Variants in PBX2 observed in about 807,000 individuals in gnomAD.
The protein encoded by PBX2 is pre-B-cell leukemia transcription factor 2.
PBX2 carries 10 observed loss-of-function variants against 46.5 expected under a neutral mutation model. The ratio of observed to expected loss-of-function variants is 0.21; its 90% confidence interval spans 0.13 to 0.36. The LOEUF (loss-of-function observed/expected upper bound fraction) is 0.36. Ranked by LOEUF, PBX2 falls within the 10% of genes least tolerant of loss-of-function variation. The pLI, the probability that PBX2 is intolerant of heterozygous loss-of-function variation, is 1.00. For missense variants in PBX2, 392 were observed against 580.5 expected (o/e 0.68, Z 3.34); for synonymous variants, 160 against 222.5 (o/e 0.72, Z 2.50).
chr6:32,189,590 G>C lies in PBX2; in HGVS notation c.221+105C>G. On this transcript the variant is annotated intron_variant, in intron 1 of 8. Transcript: ENST00000375050. This position sits in a 1 kb window ranked among gnomAD's most constrained non-coding sequence, Gnocchi z 4.7. ...GGAATAAGGAGAGAAGAGAGCTGTT[G>C]GATCCTGGAGAGGGCCCTGGAGTTG... The C allele has an allele frequency of 3.8e-6, 3 of 783,574 alleles. No homozygotes were observed. The highest frequency in any genetic ancestry group is 4.2e-6 in the Non-Finnish European group (2 of 477,324). 48.5% of individuals were successfully genotyped at this position (783,574 alleles called of 1,614,324 possible).
chr6:32,189,621 G>T lies in PBX2; in HGVS notation c.221+74C>A. ...TGGAGAGGGCCCTGGAGTTGGGGGG[G>T]GCTCCCAGAAGATTCAGAACATGTG... On this transcript the variant is annotated intron_variant, in intron 1 of 8. Coordinates refer to ENST00000375050, the MANE Select transcript of PBX2 (RefSeq NM_002586.5). The surrounding 1 kb of genome is among the most constrained non-coding windows in gnomAD (Gnocchi z 4.7). 5 of 1,133,816 alleles carry T rather than the reference G, an allele frequency of 4.4e-6. No homozygotes were observed. Among genetic ancestry groups the T allele is most frequent in the South Asian group, 2.6e-5 (2 of 75,642 alleles). The allele number at this position is 1,133,816 out of a possible 1,614,324, so 70.2% of individuals were successfully genotyped here.
Position 32,189,164 on chromosome 6 carries a change from G to A in PBX2, c.222-368C>T. 2.6e-6 allele frequency: 1 copy of A among 379,270 alleles called. No individual in the cohort carries two copies. The highest frequency in any genetic ancestry group is 4.8e-5 in the East Asian group (1 of 20,746). 23.5% of individuals were successfully genotyped at this position (379,270 alleles called of 1,614,324 possible). The stretch of plus-strand genomic sequence containing the variant: ...TTGAGAAGAGTCAGAGTTTGAGGTG[G>A]CAGAGTGGGGCTGGGGGTGCCGAGC... On this transcript the variant is annotated intron_variant, in intron 1 of 8. Coordinates refer to ENST00000375050, the MANE Select transcript of PBX2 (RefSeq NM_002586.5). The surrounding 1 kb of genome is among the most constrained non-coding windows in gnomAD (Gnocchi z 4.7).
rs529964370 is a variant in PBX2 at position 32,187,249 on chromosome 6, G to A, written c.1017C>T (p.Ser339=). Reference sequence around the variant, plus strand: ...GGTGACAGTGGGATCCACCTGCAGAGGAAGGGGGTGTCGGGGAGCTGGTGC... The same window carrying A: ...GGTGACAGTGGGATCCACCTGCAGAAGAAGGGGGTGTCGGGGAGCTGGTGC... The part of the protein sequence containing the change: ...HSRTSSPTPP[S]SAGSGGSFNL... Residue 339 remains serine (S), a synonymous_variant, in exon 6 of 9, where the codon TCC becomes TCT. Coordinates refer to ENST00000375050, the MANE Select transcript of PBX2 (RefSeq NM_002586.5). The surrounding 1 kb of genome is among the most constrained non-coding windows in gnomAD (Gnocchi z 7.7). The A allele has an allele frequency of 6.8e-6, 11 of 1,612,922 alleles. No homozygotes were observed. In the African/African-American group the frequency reaches 9.3e-5, roughly 14 times the overall value.
In PBX2 at chr6:32,190,084, G is replaced by A. The variant is rs1787372846; in HGVS notation, c.-169C>T. The A allele has an allele frequency of 4.3e-6, 2 of 470,236 alleles. No individual in the cohort carries two copies. The highest frequency in any genetic ancestry group is 4.2e-5 in the Admixed American group (1 of 23,904). The allele number at this position is 470,236 out of a possible 1,614,324, so 29.1% of individuals were successfully genotyped here. On this transcript the variant is annotated 5_prime_UTR_variant, in exon 1 of 9. Transcript: ENST00000375050. ...TCACCCCGGCACTGAAGGGAGACCT[G>A]GGATACCGGCTGGGCCCCCCACAGG...
rs773222978 is a variant in PBX2, at chr6:32,186,737, G to A, written c.1114-47C>T. 2 of 1,596,624 alleles carry A rather than the reference G, an allele frequency of 1.3e-6. No homozygotes were observed. The highest frequency in any genetic ancestry group is 2.2e-5 in the East Asian group (1 of 44,814). On this transcript the variant is annotated intron_variant, in intron 7 of 8. Coordinates refer to ENST00000375050, the MANE Select transcript of PBX2 (RefSeq NM_002586.5). The surrounding 1 kb of genome is among the most constrained non-coding windows in gnomAD (Gnocchi z 4.2). ...ATGACAGTGAAGAGAAGCCTCAGAG[G>A]AAAGAGGTCTTGTATCCTAAAGTAG...
rs1399263005 is a variant in PBX2, at chr6:32,186,253, G to A, written c.*129C>T. On this transcript the variant is annotated 3_prime_UTR_variant, in exon 9 of 9. Coordinates refer to ENST00000375050, the MANE Select transcript of PBX2 (RefSeq NM_002586.5). The surrounding 1 kb of genome is among the most constrained non-coding windows in gnomAD (Gnocchi z 4.2). ...CCCCAGCACAGAGAGTCTCGTTAGG[G>A]AGGGGATGACCCCATTGGCCCTTCT... 4.6e-6 allele frequency: 3 copies of A among 658,156 alleles called. No individual in the cohort carries two copies. Among genetic ancestry groups the A allele is most frequent in the East Asian group, 5.5e-5 (2 of 36,670 alleles). The allele number at this position is 658,156 out of a possible 1,614,324, so 40.8% of individuals were successfully genotyped here. A position where few individuals can be genotyped will look rare whatever the true frequency, so the allele number is the denominator to read the frequency against.
At position 32,188,493 on chromosome 6, in the gene PBX2, G is replaced by A. The variant is rs763122082; in HGVS notation, c.307C>T (p.Arg103Trp). 34 of 1,613,638 alleles carry A rather than the reference G, an allele frequency of 2.1e-5. No homozygotes were observed. Among genetic ancestry groups the A allele is most frequent in the African/African-American group, 2.7e-5 (2 of 74,898 alleles). ...EIKEKTGLSI[R>W]SSQEEEPVDP... ...ACCGGCTCCTCCTCCTGGGAGCTCC[G>A]AATGCTGAGGCCTAGCATGCAGGCG... Residue 103 changes from arginine (R) to tryptophan (W), a missense_variant, in exon 3 of 9, where the codon CGG (arginine) becomes TGG (tryptophan). Around this residue, in one of 3 missense-constraint regions of PBX2, gnomAD observed 196 missense variants for 246.9 expected, o/e 0.79. Transcript: ENST00000375050. This position sits in a 1 kb window ranked among gnomAD's most constrained non-coding sequence, Gnocchi z 6.5.
chr6:32,189,886 AG>A lies in PBX2; in HGVS notation c.29del (p.Pro10LeufsTer12). MDERLLGPP[P>X]PGGGRGGLGL... ...CCAGGCCCCCCCGGCCCCCGCCTGG[AG>A]GGGGCGGCCCCAGTAGCCGTTCGTC... On this transcript the variant is annotated frameshift_variant, in exon 1 of 9. Transcript: ENST00000375050. LOFTEE classifies it high-confidence loss of function. The surrounding 1 kb of genome is among the most constrained non-coding windows in gnomAD (Gnocchi z 4.7). The A allele has an allele frequency of 8.2e-7, 1 of 1,222,620 alleles. No homozygotes were observed. Among genetic ancestry groups the A allele is most frequent in the Non-Finnish European group, 1.1e-6 (1 of 931,394 alleles). 75.7% of individuals were successfully genotyped at this position (1,222,620 alleles called of 1,614,324 possible).
In PBX2 at chr6:32,187,027, C is replaced by A; in HGVS notation, c.1025-126G>T. 1.9e-6 allele frequency: 2 copies of A among 1,051,308 alleles called. No homozygotes were observed. The highest frequency in any genetic ancestry group is 2.2e-5 in the Admixed American group (1 of 44,776). 65.1% of individuals were successfully genotyped at this position (1,051,308 alleles called of 1,614,324 possible). On this transcript the variant is annotated intron_variant, in intron 6 of 8. Coordinates refer to ENST00000375050, the MANE Select transcript of PBX2 (RefSeq NM_002586.5). This position sits in a 1 kb window ranked among gnomAD's most constrained non-coding sequence, Gnocchi z 7.7. ...ATCCACAAAATAACATTCCAACACA[C>A]AGAAAGAGCAGGCTGTTCCTTGGCC...
rs2555460 is a variant in PBX2 at position 32,189,043 on chromosome 6, G to T, written c.222-247C>A. ...GCAGGTTAAAGGCTGCGGGCTTTGG[G>T]AGATGGTCTAGAAAGGTAGGAGGAG... On this transcript the variant is annotated intron_variant, in intron 1 of 8. Coordinates refer to ENST00000375050, the MANE Select transcript of PBX2 (RefSeq NM_002586.5). This position sits in a 1 kb window ranked among gnomAD's most constrained non-coding sequence, Gnocchi z 4.7. The T allele has an allele frequency of 1.8e-6, 1 of 547,856 alleles. No homozygotes were observed. Among genetic ancestry groups the T allele is most frequent in the Non-Finnish European group, 3.3e-6 (1 of 305,328 alleles). 33.9% of individuals were successfully genotyped at this position (547,856 alleles called of 1,614,324 possible). A position where few individuals can be genotyped will look rare whatever the true frequency, so the allele number is the denominator to read the frequency against.
Position 32,187,594 on chromosome 6 carries a change from A to G in PBX2, c.870+53T>C. On this transcript the variant is annotated intron_variant, in intron 5 of 8. Transcript: ENST00000375050. The surrounding 1 kb of genome is among the most constrained non-coding windows in gnomAD (Gnocchi z 7.7). ...ATTACAGGAACACACCACTGCACCT[A>G]GCTGAGATGCGTGCACTTTGCCTGA... 1 of 1,557,690 alleles carries G rather than the reference A, an allele frequency of 6.4e-7. No individual in the cohort carries two copies. The highest frequency in any genetic ancestry group is 2.0e-4 in the Middle Eastern group (1 of 4,942).
In PBX2 at chr6:32,188,594, A is replaced by G; in HGVS notation, c.296-90T>C. On this transcript the variant is annotated intron_variant, in intron 2 of 8. Coordinates refer to ENST00000375050, the MANE Select transcript of PBX2 (RefSeq NM_002586.5). The surrounding 1 kb of genome is among the most constrained non-coding windows in gnomAD (Gnocchi z 6.5). The stretch of plus-strand genomic sequence containing the variant: ...GTGCTTCCTGGAGAGCCAAGTTCCC[A>G]GGCTTTGGTTCCTTCCCCAGTCCCC... 6.3e-7 allele frequency: 1 copy of G among 1,577,926 alleles called. No homozygotes were observed. Among genetic ancestry groups the G allele is most frequent in the Non-Finnish European group, 8.6e-7 (1 of 1,158,556 alleles).
Position 32,189,398 on chromosome 6 carries a change from C to T in PBX2, c.221+297G>A, listed in dbSNP as rs905923182. ...CGTAGCCCAAGAACAGTTTCTTAGT[C>T]TGGGAGCCAGAGGGGGCTCCCGGGG... On this transcript the variant is annotated intron_variant, in intron 1 of 8. Transcript: ENST00000375050. The surrounding 1 kb of genome is among the most constrained non-coding windows in gnomAD (Gnocchi z 4.7). Among the ~76,000 whole-genome samples the T allele has an allele frequency of 5.3e-5, 8 of 152,030 alleles. No individual in the cohort carries two copies. The highest frequency in any genetic ancestry group is 3.9e-4 in the Admixed American group (6 of 15,280).
At position 32,186,506 on chromosome 6, in the gene PBX2, G is replaced by C. The variant is rs774306455; in HGVS notation, c.1201-32C>G. The C allele has an allele frequency of 1.9e-6, 3 of 1,603,070 alleles. No individual in the cohort carries two copies. Among genetic ancestry groups the C allele is most frequent in the African/African-American group, 2.7e-5 (2 of 74,698 alleles). On this transcript the variant is annotated intron_variant, in intron 8 of 8. Coordinates refer to ENST00000375050, the MANE Select transcript of PBX2 (RefSeq NM_002586.5). The surrounding 1 kb of genome is among the most constrained non-coding windows in gnomAD (Gnocchi z 4.2). ...GGAGAGACAGAGTACAGAAAACAGA[G>C]AAAGCCCTGGGAACCCTGTGTGGGC...
chr6:32,186,521 C>A lies in PBX2; in HGVS notation c.1201-47G>T. The A allele has an allele frequency of 6.3e-7, 1 of 1,582,506 alleles. No individual in the cohort carries two copies. The highest frequency in any genetic ancestry group is 1.7e-4 in the Middle Eastern group (1 of 5,998). ...AGAAAACAGAGAAAGCCCTGGGAAC[C>A]CTGTGTGGGCACAACATTACTAGGG... On this transcript the variant is annotated intron_variant, in intron 8 of 8. Transcript: ENST00000375050. This position sits in a 1 kb window ranked among gnomAD's most constrained non-coding sequence, Gnocchi z 4.2.
chr6:32,186,730 C>T lies in PBX2; in HGVS notation c.1114-40G>A, dbSNP rs1239835800. On this transcript the variant is annotated intron_variant, in intron 7 of 8. Coordinates refer to ENST00000375050, the MANE Select transcript of PBX2 (RefSeq NM_002586.5). The surrounding 1 kb of genome is among the most constrained non-coding windows in gnomAD (Gnocchi z 4.2). ...GGAAGGTATGACAGTGAAGAGAAGC[C>T]TCAGAGGAAAGAGGTCTTGTATCCT... 6.3e-7 allele frequency: 1 copy of T among 1,599,890 alleles called. No homozygotes were observed. Among genetic ancestry groups the T allele is most frequent in the African/African-American group, 1.3e-5 (1 of 74,614 alleles).
chr6:32,188,295 G>T lies in PBX2; in HGVS notation c.505C>A (p.Arg169Ser). The T allele has an allele frequency of 6.2e-7, 1 of 1,613,994 alleles. No individual in the cohort carries two copies. Among genetic ancestry groups the T allele is most frequent in the Non-Finnish European group, 8.5e-7 (1 of 1,180,026 alleles). Residue 169 changes from arginine to serine, a missense_variant, in exon 3 of 9, where the codon CGT becomes AGT. Physicochemically the swap from Arg to Ser is moderately radical, Grantham distance 110. Coordinates refer to ENST00000375050, the MANE Select transcript of PBX2 (RefSeq NM_002586.5). This position sits in a 1 kb window ranked among gnomAD's most constrained non-coding sequence, Gnocchi z 6.5. ...SDYRSKLAQI[R>S]HIYHSELEKY... ...TCCAGCTCCGAGTGGTATATGTGAC[G>T]GATCTGGGCAAGTTTGCTGCGATAG... is the stretch of plus-strand genomic sequence containing the variant.
At position 32,188,892 on chromosome 6, in the gene PBX2, G is replaced by A. The variant is rs377462276; in HGVS notation, c.222-96C>T. 8.3e-6 allele frequency: 9 copies of A among 1,080,968 alleles called. No individual in the cohort carries two copies. The highest frequency in any genetic ancestry group is 2.4e-5 in the East Asian group (1 of 42,078). 67.0% of individuals were successfully genotyped at this position (1,080,968 alleles called of 1,614,324 possible). ...CAAGGAGGGAGGAGGGTCAGTCTGC[G>A]GAGGGAGGAAGCGGATTGGGGGTGG... On this transcript the variant is annotated intron_variant, in intron 1 of 8. Coordinates refer to ENST00000375050, the MANE Select transcript of PBX2 (RefSeq NM_002586.5). The surrounding 1 kb of genome is among the most constrained non-coding windows in gnomAD (Gnocchi z 6.5).
At position 32,188,458 on chromosome 6, in the gene PBX2, C is replaced by G; in HGVS notation, c.342G>C (p.Gln114His). 1.2e-6 allele frequency: 2 copies of G among 1,614,128 alleles called. No individual in the cohort carries two copies. Among genetic ancestry groups the G allele is most frequent in the East Asian group, 2.2e-5 (1 of 44,880 alleles). ...SSQEEEPVDPQLMRLDNMLLA... is the reference protein window; with the variant it reads ...SSQEEEPVDPHLMRLDNMLLA... ...GAAGCATGTTGTCCAAGCGCATCAG[C>G]TGTGGGTCCACCGGCTCCTCCTCCT... Residue 114 changes from glutamine (Q) to histidine (H), a missense_variant, in exon 3 of 9, where the codon CAG (glutamine) becomes CAC (histidine). Around this residue, in one of 3 missense-constraint regions of PBX2, gnomAD observed 196 missense variants for 246.9 expected, o/e 0.79. Transcript: ENST00000375050. This position sits in a 1 kb window ranked among gnomAD's most constrained non-coding sequence, Gnocchi z 6.5.
Sources: gnomAD v4.1 joint callset for allele counts (sites outside exome capture counted in the v4.1 genomes callset) on GRCh38, gnomAD v4.1.1 for gene constraint, gnomAD v4.1.1 regional missense constraint, Gnocchi (gnomAD v3.1) non-coding constraint, MANE v1.5 for transcripts, NCBI Gene and HGNC (gene_info 2026-07-23, HGNC 2026-07-21) for gene names.